SPSB4: variants seen among roughly 807,000 people sequenced by gnomAD.
The protein encoded by SPSB4 is splA/ryanodine receptor domain and SOCS box containing 4, also known as SPRY domain-containing SOCS box protein 4.
In SPSB4, 21 loss-of-function variants were observed where a neutral mutation model predicts 20.9. That is an observed-to-expected ratio of 1.01 (90% CI 0.71 to 1.45). The LOEUF (loss-of-function observed/expected upper bound fraction) is 1.45. SPSB4 is among the 40% of genes most tolerant of loss of function. The pLI is 0.00. For missense variants in SPSB4, 399 were observed against 399.2 expected (o/e 1.00, Z 0.00); for synonymous variants, 207 against 183.8 (o/e 1.13, Z -1.02).
intron 2 of SPSB4, among the ~76,000 whole-genome samples, chr3:141,144,615 C>T (rs1218642095): frequency 6.6e-6 from 1 of 152,218 alleles, no homozygotes; most frequent in Non-Finnish European, 1.5e-5. Context: ...TTTACTCTCC[C>T]CTCAGAAGTT....
At chr3:141,105,072 T>C (rs1314144618) in intron 2 of SPSB4, among the ~76,000 whole-genome samples, 1 of 152,218 alleles carries the variant, frequency 6.6e-6, no homozygotes, top group Admixed American at 6.5e-5. Context: ...ATGAGGAGAC[T>C]GAGTTCCTTA....
chr3:141,110,070 T>C (rs192398151), intron 2 of SPSB4, among the ~76,000 whole-genome samples: 1 of 152,280 alleles, frequency 6.6e-6, no homozygotes, highest in African/African-American at 2.4e-5. Flanking sequence ...TCTGACCTCC[T>C]CCTGACACTC....
chr3:141,130,724 A>G (rs1409292768), intron 2 of SPSB4, among the ~76,000 whole-genome samples: 1 of 152,206 alleles, frequency 6.6e-6, no homozygotes, highest in Admixed American at 6.5e-5. Context: ...CTGCACCAAG[A>G]TCTCCACCCA....
In SPSB4 at chr3:141,147,315, C is replaced by A. The variant is rs1939429956; in HGVS notation, c.*46C>A. On this transcript the variant is annotated 3_prime_UTR_variant, in exon 3 of 3. Coordinates refer to ENST00000310546, the MANE Select transcript of SPSB4 (RefSeq NM_080862.3). ...CAGACACAGACACACACCGCAGGGC[C>A]CGACCCTCCTGTCATTCACAGTCCC... 24 of 1,609,334 alleles carry A rather than the reference C, an allele frequency of 1.5e-5. No individual in the cohort carries two copies. Among genetic ancestry groups the A allele is most frequent in the Non-Finnish European group, 1.8e-5 (21 of 1,176,886 alleles).
At chr3:141,094,264 G>A (rs1938510235) in intron 2 of SPSB4, among the ~76,000 whole-genome samples, 2 of 152,222 alleles carry the variant, frequency 1.3e-5, no homozygotes, top group Admixed American at 1.3e-4. Context: ...GTTGGTCTGT[G>A]TACCTCTGGC....
chr3:141,109,807 C>A (rs1938763598), intron 2 of SPSB4, among the ~76,000 whole-genome samples: 1 of 152,106 alleles, frequency 6.6e-6, no homozygotes, highest in Admixed American at 6.5e-5. Context: ...TATTTTGAGC[C>A]CCAATTAAGC....
At chr3:141,097,514 T>C (rs568899307) in intron 2 of SPSB4, among the ~76,000 whole-genome samples, 2 of 152,306 alleles carry the variant, frequency 1.3e-5, no homozygotes, top group South Asian at 4.1e-4. Flanking sequence ...CGCCTCAGCC[T>C]CCTGAAGTGC....
chr3:141,147,600 G>T lies in SPSB4; in HGVS notation c.*331G>T. ...TCAGAGAGCCTGTTTCCTTATTCAA[G>T]AGAATGAATAAAACATTTAGGCAGG... On this transcript the variant is annotated 3_prime_UTR_variant, in exon 3 of 3. Transcript: ENST00000310546. 8.1e-6 allele frequency: 2 copies of T among 247,576 alleles called. No homozygotes were observed. Among genetic ancestry groups the T allele is most frequent in the Admixed American group, 9.6e-5 (2 of 20,902 alleles). 15.3% of individuals were successfully genotyped at this position (247,576 alleles called of 1,614,324 possible). A position where few individuals can be genotyped will look rare whatever the true frequency, so the allele number is the denominator to read the frequency against.
chr3:141,070,066 A>T (rs1425623254), intron 2 of SPSB4, among the ~76,000 whole-genome samples: 3 of 152,116 alleles, frequency 2.0e-5, no homozygotes, highest in Non-Finnish European at 2.9e-5. Flanking sequence ...TACACTGTGG[A>T]GTGAAATGGC....
At chr3:141,092,429 A>G (rs1164500306) in intron 2 of SPSB4, among the ~76,000 whole-genome samples, 2 of 152,240 alleles carry the variant, frequency 1.3e-5, no homozygotes, top group East Asian at 3.8e-4. Flanking sequence ...CTATCAACAA[A>G]TGATCAGTCA....
chr3:141,143,000 T>C (rs1294631323), intron 2 of SPSB4, among the ~76,000 whole-genome samples: 1 of 151,864 alleles, frequency 6.6e-6, no homozygotes, highest in Non-Finnish European at 1.5e-5. Flanking sequence ...GTGTTTTTAG[T>C]AGAAATGGGG....
In SPSB4 at chr3:141,147,223, C is replaced by A; in HGVS notation, c.776C>A (p.Ser259Tyr). Residue 259 changes from serine (S) to tyrosine (Y), a missense_variant, in exon 3 of 3, where the codon TCC becomes TAC. Ser to Tyr is a moderately radical substitution (Grantham distance 144). Coordinates refer to ENST00000310546, the MANE Select transcript of SPSB4 (RefSeq NM_080862.3). ...CGCCAGCGCCTGCAGGACATCAGCT[C>A]CCTGCCCCTGCCTCAGTCTCTCAAA... is the stretch of plus-strand genomic sequence containing the variant. ...LGRQRLQDISSLPLPQSLKNY... is the reference protein window; with the variant it reads ...LGRQRLQDISYLPLPQSLKNY... The A allele has an allele frequency of 1.2e-6, 2 of 1,614,238 alleles. No individual in the cohort carries two copies. The highest frequency in any genetic ancestry group is 8.5e-7 in the Non-Finnish European group (1 of 1,180,038).
At chr3:141,138,051 G>A (rs1939257616) in intron 2 of SPSB4, among the ~76,000 whole-genome samples, 1 of 152,098 alleles carries the variant, frequency 6.6e-6, no homozygotes, top group South Asian at 2.1e-4. Flanking sequence ...CTTCTTCCTG[G>A]TTTAGTCTTG....
At chr3:141,094,256 T>C (rs1302312547) in intron 2 of SPSB4, among the ~76,000 whole-genome samples, 1 of 152,206 alleles carries the variant, frequency 6.6e-6, no homozygotes, top group African/African-American at 2.4e-5. Flanking sequence ...TGAGCCTGGT[T>C]GGTCTGTGTA....
chr3:141,100,225 C>T (rs1938595343), intron 2 of SPSB4, among the ~76,000 whole-genome samples: 1 of 152,162 alleles, frequency 6.6e-6, no homozygotes. Flanking sequence ...CCCACAAATT[C>T]ATATGTTGAT....
In SPSB4 at chr3:141,071,458, C is replaced by A. The variant is rs541882440; in HGVS notation, c.694+4660C>A. On this transcript the variant is annotated intron_variant, in intron 2 of 2. Transcript: ENST00000310546. Reference sequence around the variant, plus strand: ...TGTTGGCTCCCATCCATGTTCTGTGCCCTGGGCTTAGGATTTTACTCATTT... The same window carrying A: ...TGTTGGCTCCCATCCATGTTCTGTGACCTGGGCTTAGGATTTTACTCATTT... 2.0e-5 allele frequency among the ~76,000 whole-genome samples: 3 copies of A among 149,292 alleles called. No homozygotes were observed. In the South Asian group the frequency reaches 6.2e-4, roughly 31 times the overall value.
chr3:141,134,056 CTTTTTTTT>C (rs1222303281), intron 2 of SPSB4, among the ~76,000 whole-genome samples: 9 of 61,634 alleles, frequency 1.5e-4, no homozygotes, highest in East Asian at 5.0e-4. Flanking sequence ...TTTCTTTTTT[CTTTTTTTT>C]TTTTTTTTTT....
chr3:141,134,030 C>CTTTTTTT (rs1207127072), intron 2 of SPSB4, among the ~76,000 whole-genome samples: 4 of 37,750 alleles, frequency 1.1e-4, no homozygotes, highest in Non-Finnish European at 1.6e-4. Flanking sequence ...TTTTTTTTTT[C>CTTTTTTT]TTTTCTTTTT....
intron 2 of SPSB4, among the ~76,000 whole-genome samples, chr3:141,103,669 G>A (rs1041102230): frequency 1.3e-5 from 2 of 152,056 alleles, no homozygotes; most frequent in Admixed American, 6.5e-5. Flanking sequence ...CACACCAGCC[G>A]CAACCCTCCA....
Sources: allele counts gnomAD v4.1 joint callset (sites outside exome capture counted in the v4.1 genomes callset), GRCh38; gene constraint gnomAD v4.1.1; transcripts MANE v1.5; gene names NCBI Gene and HGNC (gene_info 2026-07-23, HGNC 2026-07-21).